The following SCHIP1 variants were observed in gnomAD, a reference collection of about 807,000 sequenced individuals.
The protein encoded by SCHIP1 is schwannomin-interacting protein 1.
In SCHIP1, 8 loss-of-function variants were observed where a neutral mutation model predicts 29.7. That is an observed-to-expected ratio of 0.27 (90% CI 0.16 to 0.49). SCHIP1 has a LOEUF of 0.49. Among genes scored for constraint, SCHIP1 ranks in the 20% least tolerant of loss-of-function variants. SCHIP1 has a pLI of 0.99. For missense variants in SCHIP1, 193 were observed against 294.6 expected, an observed-to-expected ratio of 0.66 and a Z score of 2.52; for synonymous variants, 76 against 94.9, an observed-to-expected ratio of 0.80 and a Z score of 1.16.
At chr3:159,468,023 C>T in the SCHIP1 span, among the ~76,000 whole-genome samples, 1 of 152,020 alleles carries the variant, frequency 6.6e-6, no homozygotes, top group Non-Finnish European at 1.5e-5. Context: ...TTGATTGTTC[C>T]AAGTGCGGCT....
chr3:159,626,237 TATCTATCTATCTATATAG>T, the SCHIP1 span, among the ~76,000 whole-genome samples: 5 of 72,444 alleles, frequency 6.9e-5, no homozygotes, highest in African/African-American at 5.1e-4. Context: ...TATCTAGATA[TATCTATCTATCTATATAG>T]ATAGATAGAT....
At chr3:159,479,089 T>C in the SCHIP1 span, among the ~76,000 whole-genome samples, 2 of 152,246 alleles carry the variant, frequency 1.3e-5, no homozygotes, top group South Asian at 2.1e-4. Flanking sequence ...TTTACAAAGG[T>C]TTAAAAAGGC....
At chr3:159,555,580 C>G in the SCHIP1 span, among the ~76,000 whole-genome samples, 3 of 152,072 alleles carry the variant, frequency 2.0e-5, no homozygotes, top group African/African-American at 7.2e-5. Context: ...CTCTCTCTCT[C>G]TTGTGTGTGT....
the SCHIP1 span, among the ~76,000 whole-genome samples, chr3:159,736,500 A>G: frequency 6.6e-6 from 1 of 152,156 alleles, no homozygotes; most frequent in African/African-American, 2.4e-5. Flanking sequence ...CTCCCCAACT[A>G]TTCTCCTTAA....
chr3:159,824,596 C>G, the SCHIP1 span, among the ~76,000 whole-genome samples: 1 of 152,220 alleles, frequency 6.6e-6, no homozygotes, highest in Non-Finnish European at 1.5e-5. Context: ...ACTCTTGACC[C>G]AGATTCAGAA....
Position 159,886,333 on chromosome 3 carries a change from A to C in SCHIP1, c.267+9A>C, listed in dbSNP as rs1351950490. 1 of 1,612,316 alleles carries C rather than the reference A, an allele frequency of 6.2e-7. No homozygotes were observed. The highest frequency in any genetic ancestry group is 1.7e-5 in the Admixed American group (1 of 59,970). ...CCCCCTTGTCTCCCATGGTGAGTCC[A>C]AACAGCACCAGCTGAAGCTCGGTGT... is the stretch of plus-strand genomic sequence containing the variant. On this transcript the variant is annotated intron_variant, in intron 3 of 6. Transcript: ENST00000445224.
chr3:159,629,404 T>C, the SCHIP1 span, among the ~76,000 whole-genome samples: 1 of 152,264 alleles, frequency 6.6e-6, no homozygotes, highest in Admixed American at 6.5e-5. Flanking sequence ...TGTCCCATTT[T>C]GGTACAAAAC....
At chr3:159,445,167 A>G in the SCHIP1 span, among the ~76,000 whole-genome samples, 1 of 152,180 alleles carries the variant, frequency 6.6e-6, no homozygotes, top group African/African-American at 2.4e-5. Flanking sequence ...AATGAACTCA[A>G]ACAAATTTAC....
chr3:159,429,041 T>G, the SCHIP1 span, among the ~76,000 whole-genome samples: 65 of 96,510 alleles, frequency 6.7e-4, no homozygotes, highest in African/African-American at 2.3e-3. Context: ...CTCTGGGGAC[T>G]GTTGTGGGGT....
At chr3:159,597,616 T>A in the SCHIP1 span, among the ~76,000 whole-genome samples, 70 of 152,294 alleles carry the variant, frequency 4.6e-4, no homozygotes, top group Non-Finnish European at 7.8e-4. Flanking sequence ...TTCCTTTTTT[T>A]TAAAAAACAG....
chr3:159,584,029 A>T, the SCHIP1 span, among the ~76,000 whole-genome samples: 13 of 152,224 alleles, frequency 8.5e-5, no homozygotes, highest in South Asian at 2.5e-3. Context: ...CATAATTCAG[A>T]CCTCATCTTG....
chr3:159,621,826 T>C, the SCHIP1 span, among the ~76,000 whole-genome samples: 2 of 152,230 alleles, frequency 1.3e-5, no homozygotes, highest in African/African-American at 4.8e-5. Flanking sequence ...TCATCATGCC[T>C]GGCTAATTTT....
At chr3:159,894,805 T>C (rs1717898453) in intron 6 of SCHIP1, 1 of 152,178 alleles carries the variant, frequency 6.6e-6, no homozygotes, top group Admixed American at 6.5e-5. Flanking sequence ...CCTTTTAGTT[T>C]TATGGACTGA....
chr3:159,825,936 C>T, the SCHIP1 span, among the ~76,000 whole-genome samples: 2,002 of 152,242 alleles, frequency 0.013, 39 homozygotes, highest in African/African-American at 0.046. Context: ...GTTGCAGGCA[C>T]GAGCTTGGCT....
the SCHIP1 span, among the ~76,000 whole-genome samples, chr3:159,441,469 T>G: frequency 6.6e-6 from 1 of 151,700 alleles, no homozygotes; most frequent in African/African-American, 2.4e-5. Flanking sequence ...AGCAGCCAGG[T>G]TTTTTTTGGC....
At chr3:159,789,443 G>A in the SCHIP1 span, among the ~76,000 whole-genome samples, 244 of 152,312 alleles carry the variant, frequency 1.6e-3, 2 homozygotes, top group African/African-American at 5.6e-3. Context: ...ACAAACAACT[G>A]TGCACCATGG....
At chr3:159,444,698 T>C in the SCHIP1 span, among the ~76,000 whole-genome samples, 2 of 152,140 alleles carry the variant, frequency 1.3e-5, no homozygotes, top group African/African-American at 4.8e-5. Flanking sequence ...GCAAATCATA[T>C]GCAGAATGAG....
intron 2 of SCHIP1, among the ~76,000 whole-genome samples, chr3:159,869,957 T>C (rs908048730): frequency 2.0e-5 from 3 of 151,996 alleles, no homozygotes; most frequent in African/African-American, 7.2e-5. Flanking sequence ...ACATCTCTTG[T>C]TATATTTATT....
chr3:159,414,659 C>G, the SCHIP1 span, among the ~76,000 whole-genome samples: 1 of 152,272 alleles, frequency 6.6e-6, no homozygotes, highest in African/African-American at 2.4e-5. Flanking sequence ...CTCAAATATA[C>G]TAACTATTCT....
Sources: gnomAD v4.1 joint callset for allele counts (sites outside exome capture counted in the v4.1 genomes callset) on GRCh38, gnomAD v4.1.1 for gene constraint, MANE v1.5 for transcripts, NCBI Gene and HGNC (gene_info 2026-07-23, HGNC 2026-07-21) for gene names.